SUPT3H: variants seen among roughly 807,000 people sequenced by gnomAD.
The protein encoded by SUPT3H is SPT3 homolog, SAGA and STAGA complex component.
SUPT3H carries 44 observed loss-of-function variants against 44.3 expected under a neutral mutation model. The ratio of observed to expected loss-of-function variants is 0.99; its 90% CI spans 0.78 to 1.28. The LOEUF (loss-of-function observed/expected upper bound fraction) is 1.28, where lower values mean the gene tolerates loss of function less well. Among genes scored for constraint, SUPT3H ranks in the 50% most tolerant of loss-of-function variants. SUPT3H has a pLI of 0.00. For synonymous variants in SUPT3H, 124 were observed against 125.6 expected (o/e 0.99, Z 0.09); for missense variants, 380 against 387.1 (o/e 0.98, Z 0.15).
intron 5 of SUPT3H, among the ~76,000 whole-genome samples, chr6:45,005,353 C>T (rs76012177): frequency 0.01 from 1,542 of 152,246 alleles, 35 homozygotes; most frequent in African/African-American, 0.035. Flanking sequence ...ATTCAAAGGG[C>T]TCTTTTATAT....
intron 5 of SUPT3H, among the ~76,000 whole-genome samples, chr6:45,005,728 A>G (rs1398536235): frequency 1.3e-5 from 2 of 151,484 alleles, no homozygotes; most frequent in African/African-American, 4.8e-5. Context: ...TTTAATTTCT[A>G]TATTGTCAAA....
intron 6 of SUPT3H, among the ~76,000 whole-genome samples, chr6:44,999,359 T>G (rs1356588047): frequency 6.6e-6 from 1 of 152,018 alleles, no homozygotes. Context: ...GTCTCCTGAA[T>G]AGCTGGGACT....
At chr6:45,035,679 G>T (rs930566179) in intron 3 of SUPT3H, among the ~76,000 whole-genome samples, 1 of 152,018 alleles carries the variant, frequency 6.6e-6, no homozygotes, top group Non-Finnish European at 1.5e-5. Context: ...ATCCAAAACC[G>T]TATTTATTTT....
chr6:45,212,548 T>C (rs1764303210), intron 2 of SUPT3H, among the ~76,000 whole-genome samples: 1 of 137,310 alleles, frequency 7.3e-6, no homozygotes, highest in South Asian at 2.4e-4. Context: ...TGTGTGTGTG[T>C]ATTGACTCTA....
chr6:44,977,448 T>A (rs1263048186), intron 6 of SUPT3H, among the ~76,000 whole-genome samples: 3 of 152,158 alleles, frequency 2.0e-5, no homozygotes, highest in South Asian at 2.1e-4. Flanking sequence ...CTGGATTTTT[T>A]AAAAATACTT....
At chr6:45,008,747 T>C (rs1332918123) in intron 5 of SUPT3H, among the ~76,000 whole-genome samples, 1 of 145,246 alleles carries the variant, frequency 6.9e-6, no homozygotes, top group Non-Finnish European at 1.5e-5. Context: ...GGCTAATGAC[T>C]TTTTTTTTTT....
chr6:45,322,794 G>A (rs1785715429), intron 2 of SUPT3H: 3 of 956,334 alleles, frequency 3.1e-6, no homozygotes, highest in South Asian at 1.3e-5. Context: ...GTGTGGTCTC[G>A]CCCATATATT....
chr6:45,260,837 T>C (rs746136181), intron 2 of SUPT3H, among the ~76,000 whole-genome samples: 5 of 152,016 alleles, frequency 3.3e-5, no homozygotes, highest in Non-Finnish European at 5.9e-5. Context: ...GGTAAACAAG[T>C]ATGTGACAGC....
At chr6:45,201,510 A>C (rs1762452105) in intron 2 of SUPT3H, among the ~76,000 whole-genome samples, 1 of 151,856 alleles carries the variant, frequency 6.6e-6, no homozygotes, top group African/African-American at 2.4e-5. Flanking sequence ...TGTAAAATTT[A>C]TATAAACTTA....
At chr6:44,979,457 A>G (rs571039312) in intron 6 of SUPT3H, among the ~76,000 whole-genome samples, 26 of 152,332 alleles carry the variant, frequency 1.7e-4, no homozygotes, top group South Asian at 1.7e-3. Context: ...TTTGAAAATC[A>G]TAAACCATGA....
At chr6:44,919,462 ATT>A (rs11412317) in intron 10 of SUPT3H, among the ~76,000 whole-genome samples, 1 of 147,356 alleles carries the variant, frequency 6.8e-6, no homozygotes, top group African/African-American at 2.5e-5. Context: ...GCTATAGTGT[ATT>A]TTTTTTTTTT....
chr6:45,255,730 A>T (rs72858517), intron 2 of SUPT3H, among the ~76,000 whole-genome samples: 3 of 151,986 alleles, frequency 2.0e-5, no homozygotes, highest in Admixed American at 6.5e-5. Context: ...GACTAGGTAG[A>T]TACTATTATT....
intron 2 of SUPT3H, among the ~76,000 whole-genome samples, chr6:45,329,600 G>A (rs1338827190): frequency 6.6e-6 from 1 of 151,722 alleles, no homozygotes; most frequent in Non-Finnish European, 1.5e-5. Context: ...CACATTCTTG[G>A]ACCTACCAAA....
At chr6:45,326,682 A>G (rs192940426) in intron 2 of SUPT3H, among the ~76,000 whole-genome samples, 4 of 152,078 alleles carry the variant, frequency 2.6e-5, no homozygotes, top group Admixed American at 1.3e-4. Flanking sequence ...GGAAAATCAA[A>G]TTTTCTGTAA....
intron 10 of SUPT3H, among the ~76,000 whole-genome samples, chr6:44,843,020 G>A (rs1352006924): frequency 6.6e-6 from 1 of 151,342 alleles, no homozygotes; most frequent in Non-Finnish European, 1.5e-5. Flanking sequence ...AGGGAGACTG[G>A]ATAAAAAATA....
At chr6:44,916,791 G>A (rs1767873098) in intron 10 of SUPT3H, among the ~76,000 whole-genome samples, 1 of 152,038 alleles carries the variant, frequency 6.6e-6, no homozygotes. Flanking sequence ...TCTATGTTAA[G>A]CACAGTGCTG....
chr6:44,966,216 A>G (rs1424016835), intron 6 of SUPT3H, among the ~76,000 whole-genome samples: 1 of 152,134 alleles, frequency 6.6e-6, no homozygotes, highest in Non-Finnish European at 1.5e-5. Context: ...GTCCTTTTCT[A>G]TTCCTTTAAG....
intron 2 of SUPT3H, among the ~76,000 whole-genome samples, chr6:45,149,521 T>C (rs1458426267): frequency 6.6e-6 from 1 of 152,152 alleles, no homozygotes; most frequent in Non-Finnish European, 1.5e-5. Context: ...TGCCAAATCA[T>C]TGGAGAGAAA....
chr6:45,272,340 G>C (rs1273973014), intron 2 of SUPT3H, among the ~76,000 whole-genome samples: 1 of 152,054 alleles, frequency 6.6e-6, no homozygotes, highest in Admixed American at 6.6e-5. Context: ...TGAATCATGG[G>C]GGCAGGTTTT....
Sources: gnomAD v4.1 joint callset for allele counts (sites outside exome capture counted in the v4.1 genomes callset) on GRCh38, gnomAD v4.1.1 for gene constraint, MANE v1.5 for transcripts, NCBI Gene and HGNC (gene_info 2026-07-23, HGNC 2026-07-21) for gene names.